Variants in ARHGAP30 observed in about 807,000 individuals in gnomAD.
ARHGAP30 encodes Rho GTPase activating protein 30.
A neutral mutation model predicts 72.0 loss-of-function variants in ARHGAP30; 23 were observed. The observed-to-expected ratio is 0.32, with a 90% CI of 0.23 to 0.45. The LOEUF is 0.45. Ranked by LOEUF, ARHGAP30 falls within the 20% of genes least tolerant of loss-of-function variation. The pLI is 1.00. For missense variants in ARHGAP30, 1,319 were observed against 1,383.4 expected, an observed-to-expected ratio of 0.95 and a Z score of 0.74; for synonymous variants, 576 against 528.2, an observed-to-expected ratio of 1.09 and a Z score of -1.24.
At chr1:161,050,119 G>A (rs1651241629) in intron 10 of ARHGAP30, among the ~76,000 whole-genome samples, 1 of 152,058 alleles carries the variant, frequency 6.6e-6, no homozygotes, top group Non-Finnish European at 1.5e-5. Flanking sequence ...TGACACTTCA[G>A]GAACTGGAGT....
intron 1 of ARHGAP30, among the ~76,000 whole-genome samples, chr1:161,065,868 CTTATTTA>C (rs1359266239): frequency 7.5e-6 from 1 of 133,172 alleles, no homozygotes; most frequent in Non-Finnish European, 1.6e-5. Flanking sequence ...CACCCGGCCC[CTTATTTA>C]TTTATTTATT....
At chr1:161,059,798 T>G in intron 1 of ARHGAP30, 82 bp from the exon 2 acceptor site, 1 of 1,190,854 alleles carries the variant, frequency 8.4e-7, no homozygotes, top group Non-Finnish European at 1.2e-6. Flanking sequence ...GAAATGGAAT[T>G]TGGGGAGACC....
intron 10 of ARHGAP30, 88 bp from the exon 11 acceptor site, chr1:161,049,777 GC>G (rs1414035320): frequency 5.4e-6 from 8 of 1,491,568 alleles, no homozygotes; most frequent in Middle Eastern, 1.8e-4. Context: ...TATAGCAGGG[GC>G]CCAGCACTCC....
In ARHGAP30 at chr1:161,056,494, C is replaced by T. The variant is rs753699247; in HGVS notation, c.239G>A (p.Arg80Gln). 1.2e-5 allele frequency: 20 copies of T among 1,613,816 alleles called. No homozygotes were observed. Among genetic ancestry groups the T allele is most frequent in the Non-Finnish European group, 1.1e-5 (13 of 1,179,990 alleles). The stretch of plus-strand genomic sequence containing the variant: ...GTGAATGTCTTGGAGGTAAACATCC[C>T]GACGCAGGTCTGGCTTCCGCTCTGA... ...FESERKPDLRRDVYLQDIHCV... is the reference protein window; with the variant it reads ...FESERKPDLRQDVYLQDIHCV... The change falls in exon 3 of 12, where the codon CGG (arginine) becomes CAG (glutamine). Residue 80 changes from arginine to glutamine, a missense_variant. By Grantham distance (43) the Arg-to-Gln change is conservative (BLOSUM62 1). Coordinates refer to ENST00000368013, the MANE Select transcript of ARHGAP30 (RefSeq NM_001025598.2).
intron 1 of ARHGAP30, among the ~76,000 whole-genome samples, chr1:161,067,305 G>A (rs913355104): frequency 6.6e-6 from 1 of 152,202 alleles, no homozygotes. Flanking sequence ...AGGTGCGGTG[G>A]CTCACGCCTG....
chr1:161,055,882 AAAAT>A (rs1557926665), intron 3 of ARHGAP30, among the ~76,000 whole-genome samples: 2 of 41,992 alleles, frequency 4.8e-5, no homozygotes, highest in South Asian at 8.6e-4. Flanking sequence ...AAATAAAATA[AAAAT>A]AAATAAAATA....
At chr1:161,064,817 AAGAAAGAAAGAAAG>A (rs750417094) in intron 1 of ARHGAP30, among the ~76,000 whole-genome samples, 7,046 of 74,638 alleles carry the variant, frequency 0.094, 373 homozygotes, top group African/African-American at 0.24. Flanking sequence ...GAAAGAAAGA[AAGAAAGAAAGAAAG>A]AGAAAGAAAG....
intron 1 of ARHGAP30, among the ~76,000 whole-genome samples, chr1:161,060,704 T>TC (rs1278325890): frequency 1.4e-5 from 2 of 146,356 alleles, no homozygotes; most frequent in East Asian, 2.0e-4. Context: ...GGACTTTTTT[T>TC]TTTTTTTTTT....
chr1:161,068,088 G>T (rs982537736), intron 1 of ARHGAP30, among the ~76,000 whole-genome samples: 9 of 152,118 alleles, frequency 5.9e-5, no homozygotes, highest in African/African-American at 2.2e-4. Context: ...GTCTGGGCTG[G>T]CTGTGGGTTC....
Position 161,059,730 on chromosome 1 carries a change from C to G in ARHGAP30, c.98-14G>C, listed in dbSNP as rs762092211. 2.5e-6 allele frequency: 4 copies of G among 1,606,522 alleles called. No homozygotes were observed. The highest frequency in any genetic ancestry group is 3.4e-6 in the Non-Finnish European group (4 of 1,175,024). Reference sequence around the variant, plus strand: ...GCACCTGGGGCACTGGGGACACAGACGGGGCAGAGACATAGAAATCAGAGG... The same window carrying G: ...GCACCTGGGGCACTGGGGACACAGAGGGGGCAGAGACATAGAAATCAGAGG... On this transcript the variant is annotated splice_polypyrimidine_tract_variant and intron_variant, in intron 1 of 11. Coordinates refer to ENST00000368013, the MANE Select transcript of ARHGAP30 (RefSeq NM_001025598.2).
Position 161,069,686 on chromosome 1 carries a change from T to C in ARHGAP30, c.-62A>G, listed in dbSNP as rs1428154683. The C allele has an allele frequency of 1.3e-6, 2 of 1,547,064 alleles. No individual in the cohort carries two copies. Among genetic ancestry groups the C allele is most frequent in the African/African-American group, 2.7e-5 (2 of 73,486 alleles). On this transcript the variant is annotated 5_prime_UTR_variant, in exon 1 of 12. Transcript: ENST00000368013. This position sits in a 1 kb window ranked among gnomAD's most constrained non-coding sequence, Gnocchi z 4.9. ...TCCCCCAAGACCTGTGCCCTACCAG[T>C]CCCCCATGGGATCCCAGCCAGCTGC...
intron 2 of ARHGAP30, among the ~76,000 whole-genome samples, chr1:161,059,372 G>A (rs888736623): frequency 6.6e-6 from 1 of 151,400 alleles, no homozygotes; most frequent in African/African-American, 2.4e-5. Flanking sequence ...TGTGTGTGTG[G>A]GAATGGTGTA....
At chr1:161,052,014 ACCACCACCACCAC>A (rs1651422652) in intron 9 of ARHGAP30, among the ~76,000 whole-genome samples, 1 of 58,370 alleles carries the variant, frequency 1.7e-5, no homozygotes, top group African/African-American at 6.7e-5. Flanking sequence ...CACCACCACC[ACCACCACCACCAC>A]CACCACCACC....
chr1:161,055,891 A>AT (rs1487236270), intron 3 of ARHGAP30, among the ~76,000 whole-genome samples: 140 of 15,188 alleles, frequency 9.2e-3, no homozygotes, highest in African/African-American at 0.014. Context: ...AAAAATAAAT[A>AT]AAATAAAATA....
intron 1 of ARHGAP30, among the ~76,000 whole-genome samples, chr1:161,066,837 T>C (rs1343551889): frequency 6.6e-6 from 1 of 151,972 alleles, no homozygotes; most frequent in Non-Finnish European, 1.5e-5. Context: ...GTTCCCAGCA[T>C]TGAATGCAGA....
chr1:161,060,178 G>T (rs752388136), intron 1 of ARHGAP30: 1 of 447,444 alleles, frequency 2.2e-6, no homozygotes, highest in South Asian at 1.6e-5. Context: ...CTACTCAGGA[G>T]GCTGATATGG....
At chr1:161,052,248 A>G (rs1571081048) in intron 9 of ARHGAP30, 38 bp downstream of exon 9, 1 of 1,608,406 alleles carries the variant, frequency 6.2e-7, no homozygotes, top group Non-Finnish European at 8.5e-7. Context: ...GTCACATAGC[A>G]CACACACATA....
At position 161,049,022 on chromosome 1, in the gene ARHGAP30, C is replaced by T. The variant is rs1047866533; in HGVS notation, c.1999G>A (p.Gly667Ser). Residue 667 changes from glycine (G) to serine (S), a missense_variant, in exon 12 of 12, where the codon GGC becomes AGC. Transcript: ENST00000368013. ...GCCTCTTCCCTGATGTCTAGCCTGC[C>T]TCCAGGCTCAGCCTGCTTGTCCTCC... ...VGEDKQAEPG[G>S]RLDIREEAEG... The T allele has an allele frequency of 6.8e-6, 11 of 1,614,032 alleles. No individual in the cohort carries two copies. Among genetic ancestry groups the T allele is most frequent in the Admixed American group, 6.7e-5 (4 of 60,012 alleles).
At chr1:161,064,779 A>AAGAAAGAAAGAAAGAAAGAAAG (rs1306731099) in intron 1 of ARHGAP30, among the ~76,000 whole-genome samples, 4 of 98,068 alleles carry the variant, frequency 4.1e-5, no homozygotes, top group Non-Finnish European at 8.2e-5. Context: ...GAAAGAAAGA[A>AAGAAAGAAAGAAAGAAAGAAAG]AAAGAAAGAA....
Sources: allele counts gnomAD v4.1 joint callset (sites outside exome capture counted in the v4.1 genomes callset), GRCh38; gene constraint gnomAD v4.1.1; non-coding constraint Gnocchi (gnomAD v3.1); transcripts MANE v1.5; gene names NCBI Gene and HGNC (gene_info 2026-07-23, HGNC 2026-07-21).